Variants in DMD observed in about 807,000 individuals in gnomAD.
DMD encodes the protein mutant dystrophin.
A neutral mutation model predicts 330.1 loss-of-function variants in DMD; 63 were observed. The observed-to-expected ratio is 0.19, with a 90% CI of 0.16 to 0.24. The LOEUF is 0.24. Ranked by LOEUF, DMD falls within the 10% of genes least tolerant of loss-of-function variation. DMD has a pLI of 1.00. For synonymous variants in DMD, 1,223 were observed against 959.8 expected, an observed-to-expected ratio of 1.27 and a Z score of -5.07; for missense variants, 3,344 against 2,684.1, an observed-to-expected ratio of 1.25 and a Z score of -5.43.
intron 62 of DMD, among the ~76,000 whole-genome samples, chrX:31,297,411 T>C (rs1186776059): frequency 6.3e-5 from 7 of 110,971 alleles, no homozygotes. Context: ...TCTTGAAACT[T>C]ACATAGATTT....
Position 32,364,723 on chromosome X carries a change from G to A in DMD, c.5026-13C>T. ...GTTTCTGGTATTCCTTAATTGTACA[G>A]AGACATACCATGGCATTATTGGTTA... is the stretch of plus-strand genomic sequence containing the variant. On this transcript the variant is annotated splice_polypyrimidine_tract_variant and intron_variant, in intron 35 of 78. Coordinates refer to ENST00000357033, the MANE Select transcript of DMD (RefSeq NM_004006.3). 1.7e-6 allele frequency: 2 copies of A among 1,205,033 alleles called. No homozygotes were observed. Among genetic ancestry groups the A allele is most frequent in the South Asian group, 3.5e-5 (2 of 56,430 alleles).
rs2063585956 is a variant in DMD, at chrX:32,695,533, A to G, written c.960+2337T>C. Among the ~76,000 whole-genome samples the G allele has an allele frequency of 2.7e-5, 3 of 111,722 alleles. No homozygotes were observed. In the South Asian group the frequency reaches 1.1e-3, roughly 42 times the overall value. ...ATTAAGCGAAAAAAATTGTATTATT[A>G]GGGCTCTGAATAACATTAAAAAATG... is the stretch of plus-strand genomic sequence containing the variant. On this transcript the variant is annotated intron_variant, in intron 9 of 78. Coordinates refer to ENST00000357033, the MANE Select transcript of DMD (RefSeq NM_004006.3).
intron 1 of DMD, among the ~76,000 whole-genome samples, chrX:33,153,537 G>A (rs1027984629): frequency 1.8e-5 from 2 of 112,555 alleles, no homozygotes; most frequent in African/African-American, 3.2e-5. Flanking sequence ...TACTGTAGAC[G>A]TAAAAAATTT....
intron 38 of DMD, 66 bp downstream of exon 38, chrX:32,348,340 C>A (rs1040970272): frequency 2.7e-6 from 3 of 1,098,195 alleles, no homozygotes; most frequent in African/African-American, 1.8e-5. Flanking sequence ...GGAGACTTAT[C>A]TAAGTTCTTT....
At chrX:32,105,858 T>C (rs1463064211) in intron 44 of DMD, among the ~76,000 whole-genome samples, 3 of 112,117 alleles carry the variant, frequency 2.7e-5, no homozygotes, top group Non-Finnish European at 5.6e-5. Context: ...GACTCTATTA[T>C]GTTTAAACTT....
chrX:31,324,482 GT>G (rs35543536), intron 61 of DMD, among the ~76,000 whole-genome samples: 4 of 107,471 alleles, frequency 3.7e-5, no homozygotes, highest in South Asian at 8.0e-4. Context: ...TGATCTGATG[GT>G]TTTTTTTCTT....
chrX:31,721,712 C>CTA (rs2085547634), intron 52 of DMD, among the ~76,000 whole-genome samples: 8 of 62,046 alleles, frequency 1.3e-4, no homozygotes, highest in South Asian at 8.4e-4. Context: ...CTCTCTCTCT[C>CTA]TCTCTCTATA....
intron 16 of DMD, among the ~76,000 whole-genome samples, chrX:32,564,010 T>C (rs2051379000): frequency 9.0e-6 from 1 of 111,567 alleles, no homozygotes; most frequent in Non-Finnish European, 1.9e-5. Flanking sequence ...ATCTACTTCC[T>C]CCCACCCTCC....
intron 16 of DMD, among the ~76,000 whole-genome samples, chrX:32,546,334 G>A (rs1302115152): frequency 9.2e-6 from 1 of 109,201 alleles, no homozygotes; most frequent in Admixed American, 1.0e-4. Context: ...CAAGAGGCCT[G>A]CATTGAAACT....
At chrX:31,399,387 C>T (rs1372916514) in intron 60 of DMD, among the ~76,000 whole-genome samples, 1 of 93,005 alleles carries the variant, frequency 1.1e-5, no homozygotes, top group African/African-American at 4.2e-5. Context: ...CATCCATCTG[C>T]TTCTCCTCCT....
chrX:32,053,064 G>C (rs1455003167), intron 44 of DMD, among the ~76,000 whole-genome samples: 1 of 111,598 alleles, frequency 9.0e-6, no homozygotes, highest in Non-Finnish European at 1.9e-5. Context: ...ACCACTGCTA[G>C]ATTTATCTTC....
In DMD at chrX:32,480,690, GTA is replaced by G. The variant is rs777362209; in HGVS notation, c.2803+4227_2803+4228del. Among the ~76,000 whole-genome samples, 29 of 109,194 alleles carry G rather than the reference GTA, an allele frequency of 2.7e-4. 1 individual carries two copies. The highest frequency in any genetic ancestry group is 2.5e-3 in the Admixed American group (26 of 10,366). The allele number at this position is 109,194 out of a possible 115,157, so 94.8% of individuals were successfully genotyped here. On this transcript the variant is annotated intron_variant, in intron 21 of 78. Transcript: ENST00000357033. The stretch of plus-strand genomic sequence containing the variant: ...ATACGTATATGTACACACAGCGTGT[GTA>G]TATATATATGTATAGCTTTAACTTG...
At chrX:32,909,150 C>CAAAA (rs36075436) in intron 2 of DMD, among the ~76,000 whole-genome samples, 2 of 68,232 alleles carry the variant, frequency 2.9e-5, no homozygotes, top group Non-Finnish European at 5.6e-5. Context: ...TCTATATGAG[C>CAAAA]AAAAAAAAAA....
At chrX:32,572,370 C>A (rs1229041020) in intron 15 of DMD, among the ~76,000 whole-genome samples, 1 of 111,224 alleles carries the variant, frequency 9.0e-6, no homozygotes, top group East Asian at 2.8e-4. Context: ...AATTATGGAA[C>A]ACTACTTACA....
rs1195323381 is a variant in DMD at position 32,697,897 on chromosome X, G to T, written c.933C>A (p.Asp311Glu). 7 of 1,208,028 alleles carry T rather than the reference G, an allele frequency of 5.8e-6. No homozygotes were observed. The highest frequency in any genetic ancestry group is 6.7e-6 in the Non-Finnish European group (6 of 894,507). Residue 311 changes from aspartate (D) to glutamate (E), a missense_variant, in exon 9 of 79, where the codon GAC (aspartate) becomes GAA (glutamate). By Grantham distance (45) the Asp-to-Glu change is conservative (BLOSUM62 2). Coordinates refer to ENST00000357033, the MANE Select transcript of DMD (RefSeq NM_004006.3). ...YTQAAYVTTSDPTRSPFPSQH... is the reference protein window; with the variant it reads ...YTQAAYVTTSEPTRSPFPSQH... ...GTGAAGGAAATGGGCTCCGTGTAGG[G>T]TCAGAGGTGGTGACATAAGCAGCCT...
intron 60 of DMD, among the ~76,000 whole-genome samples, chrX:31,407,638 A>AT (rs1229240110): frequency 2.5e-5 from 2 of 80,171 alleles, no homozygotes; most frequent in Admixed American, 1.3e-4. Flanking sequence ...CGCCTGGCTA[A>AT]TTTTTTGTAT....
chrX:31,530,631 T>C (rs12380951), intron 55 of DMD, among the ~76,000 whole-genome samples: 20 of 100,769 alleles, frequency 2.0e-4, no homozygotes, highest in South Asian at 1.5e-3. Flanking sequence ...ACCTAGATAA[T>C]AGAGCACTGG....
chrX:31,863,533 A>G (rs1012902512), intron 48 of DMD, among the ~76,000 whole-genome samples: 2 of 111,992 alleles, frequency 1.8e-5, no homozygotes, highest in Admixed American at 9.5e-5. Flanking sequence ...AGTACAATTC[A>G]AAATATTAGC....
chrX:31,543,344 T>C (rs1233306645), intron 55 of DMD, among the ~76,000 whole-genome samples: 1 of 110,156 alleles, frequency 9.1e-6, no homozygotes, highest in Non-Finnish European at 1.9e-5. Context: ...CTATTTTTTG[T>C]ATTTTTAGTA....
Sources: gnomAD v4.1 joint callset for allele counts (sites outside exome capture counted in the v4.1 genomes callset) on GRCh38, gnomAD v4.1.1 for gene constraint, MANE v1.5 for transcripts, NCBI Gene and HGNC (gene_info 2026-07-23, HGNC 2026-07-21) for gene names.